FMN1: variants seen among roughly 807,000 people sequenced by gnomAD.
FMN1 encodes the protein formin-1.
Under a neutral mutation model 132.4 loss-of-function variants are expected in FMN1, and 110 were observed. The ratio of observed to expected loss-of-function variants is 0.83; its 90% CI spans 0.71 to 0.97. The LOEUF (loss-of-function observed/expected upper bound fraction) is 0.97, where lower values mean the gene tolerates loss of function less well. FMN1 is among the 50% of genes least tolerant of loss of function. FMN1 has a pLI of 0.00. For missense variants in FMN1, 1,792 were observed against 1,705.3 expected, an observed-to-expected ratio of 1.05 and a Z score of -0.90; for synonymous variants, 722 against 651.7, an observed-to-expected ratio of 1.11 and a Z score of -1.64.
intron 9 of FMN1, among the ~76,000 whole-genome samples, chr15:32,959,753 T>C (rs866606368): frequency 2.0e-5 from 3 of 152,214 alleles, no homozygotes; most frequent in African/African-American, 4.8e-5. Flanking sequence ...AAATAATAAA[T>C]GACCAAATGC....
intron 10 of FMN1, among the ~76,000 whole-genome samples, chr15:32,924,093 T>C (rs1417258954): frequency 3.9e-5 from 6 of 152,208 alleles, no homozygotes; most frequent in Non-Finnish European, 5.9e-5. Flanking sequence ...TGCTCTAACA[T>C]CACATTCTTC....
chr15:33,004,307 T>C (rs1292196964), intron 7 of FMN1, among the ~76,000 whole-genome samples: 1 of 152,202 alleles, frequency 6.6e-6, no homozygotes, highest in East Asian at 1.9e-4. Flanking sequence ...GACAAAGGGC[T>C]AATATCCAGA....
chr15:33,004,126 AGGCATG>A (rs1398643365), intron 7 of FMN1, among the ~76,000 whole-genome samples: 2 of 152,190 alleles, frequency 1.3e-5, no homozygotes, highest in Non-Finnish European at 2.9e-5. Context: ...TTCAGGACAT[AGGCATG>A]GGCAAGGACT....
At chr15:33,130,862 A>G (rs1963511420) in intron 4 of FMN1, among the ~76,000 whole-genome samples, 1 of 152,214 alleles carries the variant, frequency 6.6e-6, no homozygotes, top group African/African-American at 2.4e-5. Context: ...GAGAAAAACT[A>G]GATGGGAGAT....
chr15:33,187,751 G>T (rs1271224951), intron 2 of FMN1, among the ~76,000 whole-genome samples: 1 of 152,102 alleles, frequency 6.6e-6, no homozygotes, highest in Admixed American at 6.5e-5. Flanking sequence ...ACACAACTCT[G>T]GGGGGTGGTA....
chr15:33,081,560 G>A (rs930339899), intron 5 of FMN1, among the ~76,000 whole-genome samples: 2 of 152,064 alleles, frequency 1.3e-5, no homozygotes, highest in Non-Finnish European at 2.9e-5. Flanking sequence ...TTCTGAGCCT[G>A]GATCCCAATC....
chr15:32,905,458 A>G (rs544901623), intron 12 of FMN1, among the ~76,000 whole-genome samples: 2 of 152,330 alleles, frequency 1.3e-5, no homozygotes, highest in South Asian at 4.1e-4. Context: ...ACCCTAGGCC[A>G]TGAGAAGTGT....
At chr15:32,799,074 T>TG in intron 18 of FMN1, 121 bp from the exon 19 acceptor site, 1 of 719,698 alleles carries the variant, frequency 1.4e-6, no homozygotes, top group Non-Finnish European at 2.3e-6. Context: ...ACACAGAAGC[T>TG]GGGGGCTCAT....
chr15:33,154,595 A>T lies in FMN1; in HGVS notation c.320T>A (p.Ile107Asn). 6.5e-7 allele frequency: 1 copy of T among 1,535,970 alleles called. No homozygotes were observed. The change falls in exon 4 of 21, where the codon ATC becomes AAC. Residue 107 changes from isoleucine to asparagine, a missense_variant. Transcript: ENST00000616417. ...LLTNLLSSDH[I>N]LGITMGNQEG... ...CTGGTTCCCCATCGTGATCCCCAGG[A>T]TGTGGTCTGAGCTCAGGAGATTGGT...
At chr15:32,935,398 T>G (rs550969924) in intron 9 of FMN1, among the ~76,000 whole-genome samples, 3 of 152,312 alleles carry the variant, frequency 2.0e-5, no homozygotes, top group Non-Finnish European at 4.4e-5. Flanking sequence ...TTCTCTTTTT[T>G]GTCTTTAACT....
rs74012412 is a variant in FMN1 at position 32,971,940 on chromosome 15, A to G, written c.2224-2463T>C. ...TGTTGAAGCTGACATGTAAAGCTAT[A>G]TATCATTTTAGCAGCTCTGAGGTAA... On this transcript the variant is annotated intron_variant, in intron 7 of 20. Coordinates refer to ENST00000616417, the MANE Select transcript of FMN1 (RefSeq NM_001277313.2). 9.9e-3 allele frequency among the ~76,000 whole-genome samples: 1,503 copies of G among 152,270 alleles called. 23 individuals carry two copies. Among genetic ancestry groups the G allele is most frequent in the African/African-American group, 0.035 (1,445 of 41,518 alleles).
intron 19 of FMN1, among the ~76,000 whole-genome samples, chr15:32,789,330 G>T (rs74011977): frequency 6.6e-6 from 1 of 152,344 alleles, no homozygotes; most frequent in African/African-American, 2.4e-5. Flanking sequence ...ACAGATTGGA[G>T]AAAGCTTCAT....
chr15:33,183,451 T>C (rs760913864), intron 2 of FMN1, among the ~76,000 whole-genome samples: 1 of 152,242 alleles, frequency 6.6e-6, no homozygotes, highest in African/African-American at 2.4e-5. Context: ...ATTTAATATA[T>C]GTTGATTGCT....
chr15:33,001,904 T>TC (rs970009213), intron 7 of FMN1, among the ~76,000 whole-genome samples: 6 of 151,300 alleles, frequency 4.0e-5, no homozygotes, highest in African/African-American at 1.5e-4. Flanking sequence ...AACCCTAAGC[T>TC]CCCCCACTTA....
At chr15:33,069,238 G>T (rs189806635) in intron 5 of FMN1, among the ~76,000 whole-genome samples, 6 of 152,270 alleles carry the variant, frequency 3.9e-5, no homozygotes. Flanking sequence ...AAAGGATGGG[G>T]GTAAAAATTG....
At chr15:33,175,979 T>C (rs1199415015) in intron 3 of FMN1, among the ~76,000 whole-genome samples, 2 of 152,226 alleles carry the variant, frequency 1.3e-5, no homozygotes, top group Non-Finnish European at 2.9e-5. Context: ...GCAAGATCAA[T>C]ATGTAAAGAC....
intron 19 of FMN1, among the ~76,000 whole-genome samples, chr15:32,795,622 G>C (rs938273955): frequency 2.6e-5 from 4 of 151,566 alleles, no homozygotes; most frequent in Admixed American, 1.3e-4. Flanking sequence ...GGGTAAAAAT[G>C]CCTGTTTTCA....
chr15:32,964,401 T>C, intron 8 of FMN1, 144 bp from the exon 9 acceptor site: 1 of 610,642 alleles, frequency 1.6e-6, no homozygotes, highest in African/African-American at 1.8e-5. Context: ...GAAAAGCTTT[T>C]TATGTTACGC....
At chr15:32,956,832 G>T (rs2061779792) in intron 9 of FMN1, among the ~76,000 whole-genome samples, 1 of 152,160 alleles carries the variant, frequency 6.6e-6, no homozygotes. Flanking sequence ...AATAGGTTAT[G>T]AAAACCCTAT....
Sources: allele counts gnomAD v4.1 joint callset (sites outside exome capture counted in the v4.1 genomes callset), GRCh38; gene constraint gnomAD v4.1.1; transcripts MANE v1.5; gene names NCBI Gene and HGNC (gene_info 2026-07-23, HGNC 2026-07-21).